Variants in LOC128462377 observed in about 807,000 individuals in gnomAD.
chr16:89,388,145 T>G, the LOC128462377 span, among the ~76,000 whole-genome samples: 2 of 152,150 alleles, frequency 1.3e-5, no homozygotes, highest in East Asian at 3.9e-4. Context: ...ACATCATACA[T>G]AAACATAACC....
the LOC128462377 span, among the ~76,000 whole-genome samples, chr16:89,333,088 C>T: frequency 6.6e-6 from 1 of 152,180 alleles, no homozygotes; most frequent in Non-Finnish European, 1.5e-5. Flanking sequence ...AAAACGCCTG[C>T]CCCCTGGTGT....
At chr16:89,401,291 C>T in the LOC128462377 span, among the ~76,000 whole-genome samples, 5 of 152,046 alleles carry the variant, frequency 3.3e-5, no homozygotes, top group Admixed American at 2.6e-4. Context: ...GTTAGCCAGG[C>T]TGGTCTCGAA....
the LOC128462377 span, among the ~76,000 whole-genome samples, chr16:89,388,108 C>G: frequency 6.6e-6 from 1 of 151,972 alleles, no homozygotes; most frequent in Non-Finnish European, 1.5e-5. Flanking sequence ...AGTCCCTGTA[C>G]AGCCTTACCC....
At chr16:89,414,496 C>T in the LOC128462377 span, among the ~76,000 whole-genome samples, 1 of 152,230 alleles carries the variant, frequency 6.6e-6, no homozygotes. Flanking sequence ...TACTTTTATA[C>T]TGGAGAAACA....
At chr16:89,374,719 A>G in the LOC128462377 span, among the ~76,000 whole-genome samples, 2 of 152,240 alleles carry the variant, frequency 1.3e-5, no homozygotes, top group African/African-American at 4.8e-5. Context: ...GGTAAGGACC[A>G]GAAAAAAACA....
the LOC128462377 span, among the ~76,000 whole-genome samples, chr16:89,350,694 ATAC>A: frequency 6.6e-6 from 1 of 152,216 alleles, no homozygotes; most frequent in Admixed American, 6.5e-5. Flanking sequence ...GGTGATGGAA[ATAC>A]TACTCTGTAT....
chr16:89,397,287 C>T, the LOC128462377 span, among the ~76,000 whole-genome samples: 19 of 152,356 alleles, frequency 1.2e-4, no homozygotes, highest in African/African-American at 3.8e-4. Flanking sequence ...CAGCCAAGAA[C>T]CCCCTCAGGG....
the LOC128462377 span, among the ~76,000 whole-genome samples, chr16:89,361,128 C>T: frequency 6.6e-6 from 1 of 152,196 alleles, no homozygotes; most frequent in African/African-American, 2.4e-5. Context: ...TTACAGACAC[C>T]CTGGCTAGGC....
the LOC128462377 span, among the ~76,000 whole-genome samples, chr16:89,340,859 G>C: frequency 6.6e-6 from 1 of 152,128 alleles, no homozygotes; most frequent in Non-Finnish European, 1.5e-5. Flanking sequence ...CACAGCTTTT[G>C]CCCAATTCTC....
chr16:89,351,112 C>G, the LOC128462377 span, among the ~76,000 whole-genome samples: 1 of 152,212 alleles, frequency 6.6e-6, no homozygotes, highest in Admixed American at 6.5e-5. Flanking sequence ...CAAAGAAGCT[C>G]TCAGAGAGAA....
the LOC128462377 span, chr16:89,361,820 C>G: frequency 6.6e-6 from 1 of 152,180 alleles, no homozygotes; most frequent in African/African-American, 2.4e-5. Flanking sequence ...AAAATTAACC[C>G]TAAACATTTA....
chr16:89,412,891 A>C, the LOC128462377 span, among the ~76,000 whole-genome samples: 6 of 152,136 alleles, frequency 3.9e-5, no homozygotes, highest in African/African-American at 1.4e-4. Context: ...TCAGCAGAGG[A>C]CAGAGGACAG....
chr16:89,333,203 T>C, the LOC128462377 span, among the ~76,000 whole-genome samples: 1 of 152,288 alleles, frequency 6.6e-6, no homozygotes, highest in Non-Finnish European at 1.5e-5. Flanking sequence ...AGAATCATTT[T>C]AGCATGTTAA....
chr16:89,369,382 G>A, the LOC128462377 span, among the ~76,000 whole-genome samples: 1 of 152,232 alleles, frequency 6.6e-6, no homozygotes, highest in South Asian at 2.1e-4. Flanking sequence ...TGACCCGCAT[G>A]ACCCTGCCAC....
chr16:89,320,853 C>T, the LOC128462377 span, among the ~76,000 whole-genome samples: 1 of 152,250 alleles, frequency 6.6e-6, no homozygotes, highest in Non-Finnish European at 1.5e-5. Flanking sequence ...TGCGAGAGCC[C>T]CTGCAGCCCA....
At chr16:89,324,772 G>A in the LOC128462377 span, 1,719 of 304,738 alleles carry the variant, frequency 5.6e-3, 26 homozygotes, top group African/African-American at 0.035. Context: ...GCCACAGACT[G>A]AAAGCTGCGC....
At chr16:89,406,000 C>T in the LOC128462377 span, among the ~76,000 whole-genome samples, 1 of 151,586 alleles carries the variant, frequency 6.6e-6, no homozygotes, top group Non-Finnish European at 1.5e-5. Flanking sequence ...ATCTCGGCTA[C>T]TCAGGAGGCT....
At chr16:89,343,848 G>T in the LOC128462377 span, 4 of 152,290 alleles carry the variant, frequency 2.6e-5, no homozygotes, top group Admixed American at 2.6e-4. Flanking sequence ...TTCGCAGGCG[G>T]TAAGGCTCCG....
chr16:89,351,060 G>A, the LOC128462377 span, among the ~76,000 whole-genome samples: 5 of 152,116 alleles, frequency 3.3e-5, no homozygotes, highest in African/African-American at 7.2e-5. Context: ...TCCCCCGACC[G>A]CTATTAAAAT....
Sources: gnomAD v4.1 joint callset for allele counts (sites outside exome capture counted in the v4.1 genomes callset) on GRCh38, gnomAD v4.1.1 for gene constraint, MANE v1.5 for transcripts.